The following CDH7 variants were observed in gnomAD, a reference collection of about 807,000 sequenced individuals.
CDH7 encodes the protein cadherin-7.
Under a neutral mutation model 71.8 loss-of-function variants are expected in CDH7, and 25 were observed. The observed-to-expected ratio is 0.35, with a 90% CI of 0.25 to 0.49. The LOEUF (loss-of-function observed/expected upper bound fraction) is 0.49. Among genes scored for constraint, CDH7 ranks in the 20% least tolerant of loss-of-function variants. The pLI is 0.99. For missense variants in CDH7, 862 were observed against 974.6 expected, an observed-to-expected ratio of 0.88 and a Z score of 1.54; for synonymous variants, 381 against 363.8, an observed-to-expected ratio of 1.05 and a Z score of -0.54.
chr18:65,782,176 T>C lies in CDH7; in HGVS notation c.210+19124T>C, dbSNP rs568783899. On this transcript the variant is annotated intron_variant, in intron 2 of 11. Transcript: ENST00000397968. ...TTTCTTTCTTTCTTCCTTTCTTTCT[T>C]TCTTTCTTTCTTGACAGAGTCTCAC... 5.4e-3 allele frequency among the ~76,000 whole-genome samples: 728 copies of C among 134,598 alleles called. 113 individuals are homozygous for C. The highest frequency in any genetic ancestry group is 0.022 in the African/African-American group (672 of 30,474). 88.3% of individuals were successfully genotyped at this position (134,598 alleles called of 152,430 possible). A position where few individuals can be genotyped will look rare whatever the true frequency, so the allele number is the denominator to read the frequency against.
intron 5 of CDH7, 101 bp from the exon 6 acceptor site, chr18:65,824,542 TA>T: frequency 1.4e-5 from 9 of 657,954 alleles, no homozygotes; most frequent in Non-Finnish European, 2.1e-5. Flanking sequence ...TATTAAAAAA[TA>T]AAAAGAAGTT....
intron 5 of CDH7, among the ~76,000 whole-genome samples, chr18:65,824,209 T>C (rs1380348598): frequency 6.6e-6 from 1 of 151,818 alleles, no homozygotes; most frequent in Admixed American, 6.6e-5. Context: ...CATTAAGTTA[T>C]GAAAATGATT....
chr18:65,888,741 A>AC lies in CDH7; in HGVS notation c.*7847_*7848insC, dbSNP rs1914435616. ...TGCCCAGAATAACTGTAACTTATGC[A>AC]AACACACACACACACACACACACTC... is the stretch of plus-strand genomic sequence containing the variant. On this transcript the variant is annotated 3_prime_UTR_variant, in exon 12 of 12. Transcript: ENST00000397968. 2.0e-5 allele frequency: 1 copy of AC among 48,932 alleles called. No individual in the cohort carries two copies. Among genetic ancestry groups the AC allele is most frequent in the Admixed American group, 3.2e-4 (1 of 3,148 alleles). 3.0% of individuals were successfully genotyped at this position (48,932 alleles called of 1,614,324 possible).
chr18:65,766,212 T>C (rs17075191), intron 2 of CDH7, among the ~76,000 whole-genome samples: 57,585 of 151,820 alleles, frequency 0.38, 11,674 homozygotes, highest in African/African-American at 0.53. Context: ...GGGTAAAAAA[T>C]TCACAGAAAT....
intron 1 of CDH7, among the ~76,000 whole-genome samples, chr18:65,753,697 G>A (rs755017285): frequency 1.3e-5 from 2 of 152,148 alleles, no homozygotes; most frequent in Non-Finnish European, 2.9e-5. Context: ...TCTCCCCAGC[G>A]TCTGACAAGC....
chr18:65,832,772 A>T (rs1322767991), intron 6 of CDH7, among the ~76,000 whole-genome samples: 3 of 152,138 alleles, frequency 2.0e-5, no homozygotes, highest in African/African-American at 7.2e-5. Flanking sequence ...ATTTGCTATC[A>T]TAACTTAAAA....
At chr18:65,778,819 G>A (rs1005633345) in intron 2 of CDH7, among the ~76,000 whole-genome samples, 3 of 151,576 alleles carry the variant, frequency 2.0e-5, no homozygotes, top group African/African-American at 7.3e-5. Context: ...ATAGCAGCAC[G>A]TCCCCACAAA....
intron 2 of CDH7, among the ~76,000 whole-genome samples, chr18:65,797,222 A>C (rs947369985): frequency 1.3e-5 from 2 of 152,290 alleles, no homozygotes; most frequent in East Asian, 3.9e-4. Context: ...CCATGGGATA[A>C]TGTTAATGGC....
chr18:65,805,604 C>G (rs749714677), intron 2 of CDH7, among the ~76,000 whole-genome samples: 1 of 152,192 alleles, frequency 6.6e-6, no homozygotes, highest in Non-Finnish European at 1.5e-5. Context: ...CAAAGATGTA[C>G]TTTCCATAGG....
At position 65,859,721 on chromosome 18, in the gene CDH7, T is replaced by C; in HGVS notation, c.1508T>C (p.Ile503Thr). Residue 503 changes from isoleucine (I) to threonine (T), a missense_variant, in exon 10 of 12, where the codon ATC becomes ACC. Ile to Thr is a moderately conservative substitution (Grantham distance 89, BLOSUM62 -1). Coordinates refer to ENST00000397968, the MANE Select transcript of CDH7 (RefSeq NM_004361.5). ...NAQPGQVIQK[I>T]SAVDKDEPSN... ...CTCTTTTCCTAGGTTATCCAGAAAA[T>C]CAGTGCTGTGGATAAAGATGAGCCA... The C allele has an allele frequency of 1.9e-6, 3 of 1,600,868 alleles. No individual in the cohort carries two copies. Among genetic ancestry groups the C allele is most frequent in the Non-Finnish European group, 2.6e-6 (3 of 1,168,148 alleles).
chr18:65,849,401 T>C (rs1462783260), intron 7 of CDH7, among the ~76,000 whole-genome samples: 3 of 127,580 alleles, frequency 2.4e-5, no homozygotes, highest in African/African-American at 1.0e-4. Flanking sequence ...TTTCTTTTCT[T>C]TTCTTTTCTT....
At chr18:65,753,905 G>A (rs1335590035) in intron 1 of CDH7, among the ~76,000 whole-genome samples, 1 of 152,172 alleles carries the variant, frequency 6.6e-6, no homozygotes, top group African/African-American at 2.4e-5. Flanking sequence ...CATTCTGGTA[G>A]AATCTCTTTT....
intron 3 of CDH7, 59 bp from the exon 4 acceptor site, chr18:65,814,426 T>C: frequency 1.3e-6 from 2 of 1,587,928 alleles, no homozygotes; most frequent in South Asian, 1.1e-5. Flanking sequence ...ATTTTGTACG[T>C]TTTTTGTTTT....
intron 11 of CDH7, among the ~76,000 whole-genome samples, chr18:65,879,613 T>G (rs550806234): frequency 2.0e-5 from 3 of 152,334 alleles, no homozygotes; most frequent in African/African-American, 7.2e-5. Flanking sequence ...AATACATTGT[T>G]TAAGTCCCCC....
At chr18:65,754,826 G>A (rs1598980604) in intron 1 of CDH7, among the ~76,000 whole-genome samples, 1 of 152,282 alleles carries the variant, frequency 6.6e-6, no homozygotes, top group East Asian at 1.9e-4. Context: ...TTAAATTTCA[G>A]TGGAAATAGT....
intron 3 of CDH7, 29 bp downstream of exon 3, chr18:65,810,027 C>G: frequency 6.4e-7 from 1 of 1,568,930 alleles, no homozygotes; most frequent in South Asian, 1.1e-5. Flanking sequence ...GCTTTTGTAG[C>G]TTGTGGCCGA....
intron 2 of CDH7, among the ~76,000 whole-genome samples, chr18:65,770,175 A>G (rs373724667): frequency 2.0e-5 from 3 of 152,184 alleles, no homozygotes; most frequent in African/African-American, 7.2e-5. Flanking sequence ...TCAAAAATAC[A>G]TCAATTTAAG....
At chr18:65,782,699 A>C (rs1192761217) in intron 2 of CDH7, among the ~76,000 whole-genome samples, 1 of 152,132 alleles carries the variant, frequency 6.6e-6, no homozygotes, top group Non-Finnish European at 1.5e-5. Flanking sequence ...ATCAACTCTT[A>C]ACTGTGCCTT....
chr18:65,853,362 C>G (rs568910362), intron 7 of CDH7, among the ~76,000 whole-genome samples: 1 of 147,374 alleles, frequency 6.8e-6, no homozygotes, highest in South Asian at 2.3e-4. Flanking sequence ...TCCTTTCAGA[C>G]TTCTTTTAGG....
Sources: allele counts gnomAD v4.1 joint callset (sites outside exome capture counted in the v4.1 genomes callset), GRCh38; gene constraint gnomAD v4.1.1; transcripts MANE v1.5; gene names NCBI Gene and HGNC (gene_info 2026-07-23, HGNC 2026-07-21).